Variants in FAM151B observed in about 807,000 individuals in gnomAD.
FAM151B encodes protein FAM151B.
In FAM151B, 24 loss-of-function variants were observed where a neutral mutation model predicts 31.2. That is an observed-to-expected ratio of 0.77 (90% confidence interval 0.56 to 1.08). The LOEUF is 1.08. Among genes scored for constraint, FAM151B ranks in the 50% least tolerant of loss-of-function variants. The probability of loss-of-function intolerance (pLI) is 0.00; values close to 1 mark genes in which losing one functional copy is unlikely to be tolerated. For synonymous variants in FAM151B, 105 were observed against 111.4 expected (o/e 0.94, Z 0.36); for missense variants, 293 against 328.6 (o/e 0.89, Z 0.84).
chr5:80,528,050 A>G (rs1342060407), intron 5 of FAM151B, among the ~76,000 whole-genome samples: 1 of 152,150 alleles, frequency 6.6e-6, no homozygotes, highest in Non-Finnish European at 1.5e-5. Context: ...AACTTTTAAA[A>G]TATTTTTGTT....
chr5:80,488,166 G>T lies in FAM151B; in HGVS notation c.25+18G>T. ...AGGCCCAGGTAAGCGCCGAGCGCGC[G>T]GCCTCTGCCTGGAGGTGGGGCGCTT... On this transcript the variant is annotated intron_variant, in intron 1 of 5. Transcript: ENST00000282226. The T allele has an allele frequency of 6.5e-7, 1 of 1,540,640 alleles. No homozygotes were observed. The highest frequency in any genetic ancestry group is 1.2e-5 in the South Asian group (1 of 83,774).
At chr5:80,506,701 G>A (rs1365773970) in intron 2 of FAM151B, among the ~76,000 whole-genome samples, 4 of 152,136 alleles carry the variant, frequency 2.6e-5, no homozygotes, top group Non-Finnish European at 5.9e-5. Flanking sequence ...TAATATAATT[G>A]CTAGATAGAA....
chr5:80,497,961 G>A (rs1362912653), intron 1 of FAM151B, among the ~76,000 whole-genome samples: 2 of 152,096 alleles, frequency 1.3e-5, no homozygotes, highest in Non-Finnish European at 2.9e-5. Flanking sequence ...TAAATAAAAA[G>A]TGCTGTGGAA....
chr5:80,523,589 A>T (rs1744816129), intron 5 of FAM151B, among the ~76,000 whole-genome samples: 1 of 152,182 alleles, frequency 6.6e-6, no homozygotes, highest in Non-Finnish European at 1.5e-5. Flanking sequence ...TATCAGTCAG[A>T]CACTGTTGAA....
At chr5:80,539,580 C>T (rs192864681) in intron 5 of FAM151B, among the ~76,000 whole-genome samples, 2 of 152,294 alleles carry the variant, frequency 1.3e-5, no homozygotes, top group African/African-American at 4.8e-5. Flanking sequence ...CAACCTCCAC[C>T]TCCAAGTCTC....
intron 2 of FAM151B, among the ~76,000 whole-genome samples, chr5:80,504,099 G>A (rs569406991): frequency 1.3e-5 from 2 of 152,164 alleles, no homozygotes; most frequent in East Asian, 1.9e-4. Flanking sequence ...TCTCTCATGC[G>A]TCTCAAATTT....
At position 80,515,236 on chromosome 5, in the gene FAM151B, G is replaced by T. The variant is rs1042599398; in HGVS notation, c.317+1467G>T. ...GCCTCGGCAACAAGAGCAAAACTCT[G>T]TCTCAAAAAAATAAATAAATAAATA... is the stretch of plus-strand genomic sequence containing the variant. On this transcript the variant is annotated intron_variant, in intron 3 of 5. Coordinates refer to ENST00000282226, the MANE Select transcript of FAM151B (RefSeq NM_205548.3). Among the ~76,000 whole-genome samples, 7 of 149,822 alleles carry T rather than the reference G, an allele frequency of 4.7e-5. 1 individual carries two copies. The highest frequency in any genetic ancestry group is 3.3e-4 in the Admixed American group (5 of 14,970).
chr5:80,529,782 G>T (rs966831075), intron 5 of FAM151B, among the ~76,000 whole-genome samples: 5 of 152,186 alleles, frequency 3.3e-5, no homozygotes, highest in Non-Finnish European at 7.3e-5. Flanking sequence ...GGACGAGACG[G>T]ATTCACAGCT....
intron 4 of FAM151B, among the ~76,000 whole-genome samples, chr5:80,521,465 T>C (rs529148151): frequency 6.6e-6 from 1 of 152,228 alleles, no homozygotes; most frequent in African/African-American, 2.4e-5. Flanking sequence ...GTAAAATATA[T>C]ACATATATAG....
At chr5:80,515,770 C>G (rs1422671784) in intron 3 of FAM151B, among the ~76,000 whole-genome samples, 1 of 152,140 alleles carries the variant, frequency 6.6e-6, no homozygotes, top group African/African-American at 2.4e-5. Flanking sequence ...ATTAAATTCT[C>G]GTAACAATCC....
At position 80,538,459 on chromosome 5, in the gene FAM151B, T is replaced by TC. The variant is rs1561383656; in HGVS notation, c.672-3214_672-3213insC. ...TTCTTTCTTTCTTTCTCTTTCTTTC[T>TC]TTCTTTCTTTCTTTCTTTCTTTCTT... On this transcript the variant is annotated intron_variant, in intron 5 of 5. Coordinates refer to ENST00000282226, the MANE Select transcript of FAM151B (RefSeq NM_205548.3). Among the ~76,000 whole-genome samples the TC allele has an allele frequency of 7.7e-3, 580 of 74,852 alleles. 6 individuals are homozygous for TC. Among genetic ancestry groups the TC allele is most frequent in the African/African-American group, 0.018 (362 of 19,982 alleles). 49.1% of individuals were successfully genotyped at this position (74,852 alleles called of 152,430 possible).
intron 1 of FAM151B, among the ~76,000 whole-genome samples, chr5:80,491,723 G>A (rs1321121228): frequency 6.6e-6 from 1 of 152,114 alleles, no homozygotes; most frequent in Non-Finnish European, 1.5e-5. Context: ...AGACTGTGCA[G>A]TATTTTTCTT....
chr5:80,491,756 T>C (rs1743342808), intron 1 of FAM151B, among the ~76,000 whole-genome samples: 1 of 152,214 alleles, frequency 6.6e-6, no homozygotes, highest in African/African-American at 2.4e-5. Context: ...TTATTTCACT[T>C]AGCATACTGC....
At chr5:80,538,394 TTC>T (rs1427592145) in intron 5 of FAM151B, among the ~76,000 whole-genome samples, 3 of 50,930 alleles carry the variant, frequency 5.9e-5, no homozygotes, top group African/African-American at 2.1e-4. Flanking sequence ...CTTTCTTTCT[TTC>T]TTTCTTTCTT....
chr5:80,500,359 G>A, intron 1 of FAM151B: 1 of 1,114,382 alleles, frequency 9.0e-7, no homozygotes, highest in Non-Finnish European at 1.3e-6. Flanking sequence ...AGAAAGAGAA[G>A]GTTCCTGCTG....
chr5:80,526,977 T>C (rs570341098), intron 5 of FAM151B, among the ~76,000 whole-genome samples: 16 of 152,304 alleles, frequency 1.1e-4, no homozygotes, highest in South Asian at 8.3e-4. Flanking sequence ...ATAGTCAACA[T>C]TGAGAACTCT....
chr5:80,522,604 A>G (rs1304909566), intron 5 of FAM151B: 1 of 152,194 alleles, frequency 6.6e-6, no homozygotes, highest in Non-Finnish European at 1.5e-5. Flanking sequence ...TTTACAAAAC[A>G]TTAAAAAATT....
Position 80,541,766 on chromosome 5 carries a change from C to A in FAM151B, c.765C>A (p.Phe255Leu). The stretch of plus-strand genomic sequence containing the variant: ...ACCATTTTGACAAAAAACAAGTTTT[C>A]TATGACATCTTGGAACCACAAAACC... The part of the protein sequence containing the change: ...IRDHFDKKQV[F>L]YDILEPQNHE... The change falls in exon 6 of 6, where the codon TTC (phenylalanine) becomes TTA (leucine). Residue 255 changes from phenylalanine to leucine, a missense_variant. Phe to Leu is a conservative substitution (Grantham distance 22, BLOSUM62 0). Transcript: ENST00000282226. 1 of 1,613,640 alleles carries A rather than the reference C, an allele frequency of 6.2e-7. No individual in the cohort carries two copies. Among genetic ancestry groups the A allele is most frequent in the Non-Finnish European group, 8.5e-7 (1 of 1,179,764 alleles).
chr5:80,516,225 G>A (rs2112633252), intron 3 of FAM151B, among the ~76,000 whole-genome samples: 1 of 152,284 alleles, frequency 6.6e-6, no homozygotes, highest in African/African-American at 2.4e-5. Context: ...TCGGAAGGCT[G>A]AGGCAGGAGA....
Sources: allele counts gnomAD v4.1 joint callset (sites outside exome capture counted in the v4.1 genomes callset), GRCh38; gene constraint gnomAD v4.1.1; transcripts MANE v1.5; gene names NCBI Gene and HGNC (gene_info 2026-07-23, HGNC 2026-07-21).